The following CKAP2 variants were observed in gnomAD, a reference collection of about 807,000 sequenced individuals.
CKAP2 encodes cytoskeleton-associated protein 2.
A neutral mutation model predicts 58.4 loss-of-function variants in CKAP2; 46 were observed. That is an observed-to-expected ratio of 0.79 (90% CI 0.62 to 1.01). The LOEUF is 1.01. CKAP2 is among the 50% of genes least tolerant of loss of function. The pLI, the probability that CKAP2 is intolerant of heterozygous loss-of-function variation, is 0.00. For missense variants in CKAP2, 809 were observed against 796.4 expected, an observed-to-expected ratio of 1.02 and a Z score of -0.19; for synonymous variants, 293 against 280.9, an observed-to-expected ratio of 1.04 and a Z score of -0.43.
intron 2 of CKAP2, among the ~76,000 whole-genome samples, chr13:52,459,948 A>G (rs1282569846): frequency 6.6e-6 from 1 of 151,958 alleles, no homozygotes; most frequent in Non-Finnish European, 1.5e-5. Flanking sequence ...CACTGCCTCA[A>G]CTCCCAGGCT....
In CKAP2 at chr13:52,463,338, A is replaced by G. The variant is rs774498503; in HGVS notation, c.1305+771A>G. On this transcript the variant is annotated intron_variant, in intron 5 of 8. Coordinates refer to ENST00000258607, the MANE Select transcript of CKAP2 (RefSeq NM_018204.5). Reference sequence around the variant, plus strand: ...AAGTTTGTATACATTGAACCATTAGAAAGCAAAGGTGTCACTTTGTCAGCC... The same window carrying G: ...AAGTTTGTATACATTGAACCATTAGGAAGCAAAGGTGTCACTTTGTCAGCC... 6.6e-5 allele frequency among the ~76,000 whole-genome samples: 10 copies of G among 152,316 alleles called. No individual in the cohort carries two copies. The Middle Eastern group carries it at 0.01, about 155-fold the overall frequency.
chr13:52,461,608 G>C lies in CKAP2; in HGVS notation c.782G>C (p.Ser261Thr), dbSNP rs1958581878. 1.2e-6 allele frequency: 2 copies of C among 1,614,026 alleles called. No homozygotes were observed. The highest frequency in any genetic ancestry group is 1.1e-5 in the South Asian group (1 of 91,078). ...LVRPPIRSHH[S>T]NTRDTVKQGI... Reference sequence around the variant, plus strand: ...CGACCTCCTATTAGAAGTCATCACAGTAATACCCGGGACACTGTGAAACAA... The same window carrying C: ...CGACCTCCTATTAGAAGTCATCACACTAATACCCGGGACACTGTGAAACAA... Residue 261 changes from serine to threonine, a missense_variant, in exon 4 of 9, where the codon AGT (serine) becomes ACT (threonine). This residue lies in a region of CKAP2 where 523 missense variants were observed against 492.4 expected (regional missense o/e 1.06). Coordinates refer to ENST00000258607, the MANE Select transcript of CKAP2 (RefSeq NM_018204.5).
intron 7 of CKAP2, among the ~76,000 whole-genome samples, chr13:52,472,065 A>G (rs961223069): frequency 2.0e-5 from 3 of 151,918 alleles, no homozygotes; most frequent in Non-Finnish European, 2.9e-5. Flanking sequence ...ACAATCTTCT[A>G]CTTTTTCTTA....
chr13:52,464,549 G>T (rs1256678457), intron 5 of CKAP2, among the ~76,000 whole-genome samples: 1 of 90,368 alleles, frequency 1.1e-5, no homozygotes, highest in East Asian at 3.4e-4. Flanking sequence ...GCAAAACTCC[G>T]TCTCAAAAAA....
rs759576613 is a variant in CKAP2 at position 52,461,623 on chromosome 13, CTG to C, written c.800_801del (p.Val267GlufsTer6). 5.0e-6 allele frequency: 8 copies of C among 1,614,144 alleles called. No individual in the cohort carries two copies. Among genetic ancestry groups the C allele is most frequent in the Admixed American group, 3.3e-5 (2 of 60,014 alleles). ...AGTCATCACAGTAATACCCGGGACACTGTGAAACAAGGCATCAGTAGAACTTC... is the reference window on the plus strand; with the variant it reads ...AGTCATCACAGTAATACCCGGGACACTGAAACAAGGCATCAGTAGAACTTC... On this transcript the variant is annotated frameshift_variant, in exon 4 of 9. Coordinates refer to ENST00000258607, the MANE Select transcript of CKAP2 (RefSeq NM_018204.5). LOFTEE classifies it high-confidence loss of function.
In CKAP2 at chr13:52,456,575, T is replaced by G. The variant is rs746798350; in HGVS notation, c.123T>G (p.Phe41Leu). The G allele has an allele frequency of 6.2e-7, 1 of 1,613,812 alleles. No homozygotes were observed. ...ATCTGTTGAGAAGAAAAACGCTTTT[T>G]GCATACAAGCAGGAAAATGAGATGT... ...KEHLLRRKTL[F>L]AYKQENEMLS... Residue 41 changes from phenylalanine to leucine, a missense_variant, in exon 2 of 9, where the codon TTT becomes TTG. By Grantham distance (22) the Phe-to-Leu change is conservative. Around this residue, in one of 3 missense-constraint regions of CKAP2, gnomAD observed 523 missense variants for 492.4 expected, o/e 1.06. Transcript: ENST00000258607.
chr13:52,466,215 A>G (rs891138876), intron 6 of CKAP2, among the ~76,000 whole-genome samples: 1 of 152,004 alleles, frequency 6.6e-6, no homozygotes, highest in Non-Finnish European at 1.5e-5. Flanking sequence ...AGAATAAATC[A>G]TTTCTTGAGT....
rs967005212 is a variant in CKAP2 at position 52,475,023 on chromosome 13, A to G, written c.1931A>G (p.His644Arg). The change falls in exon 9 of 9, where the codon CAT becomes CGT. Residue 644 changes from histidine to arginine, a missense_variant. Around this residue, in one of 3 missense-constraint regions of CKAP2, gnomAD observed 283 missense variants for 287.6 expected, o/e 0.98. Transcript: ENST00000258607. ...AAATTGCCAGATATGTTAAAAGATC[A>G]TTATCCTTGTGTGTCTTCATTGGAA... ...TSKLPDMLKD[H>R]YPCVSSLEQL... 12 of 1,614,086 alleles carry G rather than the reference A, an allele frequency of 7.4e-6. No individual in the cohort carries two copies. The highest frequency in any genetic ancestry group is 5.3e-5 in the African/African-American group (4 of 74,944).
Position 52,475,154 on chromosome 13 carries a change from T to A in CKAP2, c.*13T>A. On this transcript the variant is annotated 3_prime_UTR_variant, in exon 9 of 9. Coordinates refer to ENST00000258607, the MANE Select transcript of CKAP2 (RefSeq NM_018204.5). ...TGATACAACATAAGAGAAATAAAGC[T>A]CTGTTAGGGAATGGGGTTTTTATTA... The A allele has an allele frequency of 6.2e-7, 1 of 1,607,552 alleles. No homozygotes were observed. Among genetic ancestry groups the A allele is most frequent in the Non-Finnish European group, 8.5e-7 (1 of 1,176,450 alleles).
chr13:52,456,709 G>A (rs1958488377), intron 2 of CKAP2, 102 bp downstream of exon 2: 9 of 852,136 alleles, frequency 1.1e-5, no homozygotes, highest in Middle Eastern at 3.2e-4. Context: ...TTTTCTAGTA[G>A]CCACATTTAG....
rs773189276 is a variant in CKAP2, at chr13:52,473,785, T to TA, written c.1547-40dup. 9 of 1,538,136 alleles carry TA rather than the reference T, an allele frequency of 5.9e-6. No individual in the cohort carries two copies. The East Asian group carries it at 2.0e-4, about 35-fold the overall frequency. On this transcript the variant is annotated intron_variant, in intron 7 of 8. Transcript: ENST00000258607. The stretch of plus-strand genomic sequence containing the variant: ...CTTTAATGTCTTCTGATTTTGTTCT[T>TA]AAAATTCAGCCAAAAGCTTAATCTA...
intron 2 of CKAP2, among the ~76,000 whole-genome samples, chr13:52,457,120 CT>C (rs1353256635): frequency 6.6e-6 from 1 of 152,120 alleles, no homozygotes; most frequent in Non-Finnish European, 1.5e-5. Flanking sequence ...TGGTCTTGGA[CT>C]CCTGACCTTG....
intron 5 of CKAP2, among the ~76,000 whole-genome samples, chr13:52,463,684 A>G (rs2096940250): frequency 6.6e-6 from 1 of 152,196 alleles, no homozygotes; most frequent in South Asian, 2.1e-4. Flanking sequence ...CACCAGAAGC[A>G]GTTGAGGGAC....
At position 52,475,330 on chromosome 13, in the gene CKAP2, C is replaced by G. The variant is rs1311429488; in HGVS notation, c.*189C>G. On this transcript the variant is annotated 3_prime_UTR_variant, in exon 9 of 9. Coordinates refer to ENST00000258607, the MANE Select transcript of CKAP2 (RefSeq NM_018204.5). ...TTGTCCTCTACATTGGAAAGCTAAT[C>G]CTACCTTGTCAGTTTCAACCAACTG... 1.5e-6 allele frequency: 1 copy of G among 669,322 alleles called. No individual in the cohort carries two copies. Among genetic ancestry groups the G allele is most frequent in the African/African-American group, 1.8e-5 (1 of 55,160 alleles). 41.5% of individuals were successfully genotyped at this position (669,322 alleles called of 1,614,324 possible).
At position 52,468,966 on chromosome 13, in the gene CKAP2, T is replaced by C. The variant is rs570554587; in HGVS notation, c.1546+619T>C. Among the ~76,000 whole-genome samples, 118 of 152,318 alleles carry C rather than the reference T, an allele frequency of 7.7e-4. 1 individual carries two copies. The highest frequency in any genetic ancestry group is 3.4e-3 in the Middle Eastern group (1 of 294). ...GGAATCGCCACACTGTCTTCCACAATGGTTGAACTAATTTATACTCCCACC... is the reference window on the plus strand; with the variant it reads ...GGAATCGCCACACTGTCTTCCACAACGGTTGAACTAATTTATACTCCCACC... On this transcript the variant is annotated intron_variant, in intron 7 of 8. Coordinates refer to ENST00000258607, the MANE Select transcript of CKAP2 (RefSeq NM_018204.5).
intron 6 of CKAP2, among the ~76,000 whole-genome samples, chr13:52,465,996 C>CAT (rs574336603): frequency 7.3e-5 from 11 of 151,542 alleles, no homozygotes; most frequent in Non-Finnish European, 1.0e-4. Context: ...TATATGCACA[C>CAT]ATATATATAC....
intron 7 of CKAP2, among the ~76,000 whole-genome samples, chr13:52,468,829 A>G (rs1958719381): frequency 3.9e-5 from 6 of 152,252 alleles, no homozygotes; most frequent in Admixed American, 3.9e-4. Context: ...CTAGTGCTGC[A>G]ATAAACATAT....
intron 2 of CKAP2, among the ~76,000 whole-genome samples, chr13:52,458,374 T>C (rs1029080009): frequency 6.6e-6 from 1 of 152,098 alleles, no homozygotes; most frequent in Admixed American, 6.6e-5. Flanking sequence ...ACAGATGATA[T>C]TTACTTAAAA....
Position 52,461,894 on chromosome 13 carries a change from A to G in CKAP2, c.1068A>G (p.Ser356=). 1 of 1,606,388 alleles carries G rather than the reference A, an allele frequency of 6.2e-7. No individual in the cohort carries two copies. The highest frequency in any genetic ancestry group is 8.5e-7 in the Non-Finnish European group (1 of 1,177,992). ...TAGKAIVDSR[S]AQPKETSEER... ...GAAAAGCAATTGTTGATAGTAGATC[A>G]GCTCAGCCCAAAGAAACCTCGGAAG... is the stretch of plus-strand genomic sequence containing the variant. The change falls in exon 4 of 9, where the codon TCA becomes TCG. Residue 356 remains serine (S), a synonymous_variant. Transcript: ENST00000258607.
Sources: gnomAD v4.1 joint callset for allele counts (sites outside exome capture counted in the v4.1 genomes callset) on GRCh38, gnomAD v4.1.1 for gene constraint, gnomAD v4.1.1 regional missense constraint, MANE v1.5 for transcripts, NCBI Gene and HGNC (gene_info 2026-07-23, HGNC 2026-07-21) for gene names.